TMEM177: variants seen among roughly 807,000 people sequenced by gnomAD.
TMEM177 encodes the protein transmembrane protein 177.
In TMEM177, 4 loss-of-function variants were observed where a neutral mutation model predicts 14.2. The ratio of observed to expected loss-of-function variants is 0.28; its 90% CI spans 0.14 to 0.64. The LOEUF is 0.64. TMEM177 is among the 30% of genes least tolerant of loss of function. The pLI, the probability that TMEM177 is intolerant of heterozygous loss-of-function variation, is 0.82. For missense variants in TMEM177, 344 were observed against 405.2 expected (o/e 0.85, Z 1.30); for synonymous variants, 179 against 174.5 (o/e 1.03, Z -0.20).
the TMEM177 span, among the ~76,000 whole-genome samples, chr2:119,696,433 C>G: frequency 6.6e-6 from 1 of 152,170 alleles, no homozygotes; most frequent in Non-Finnish European, 1.5e-5. Flanking sequence ...TACCACCAAC[C>G]CTTCATTTAT....
the TMEM177 span, among the ~76,000 whole-genome samples, chr2:119,721,937 C>A: frequency 6.6e-6 from 1 of 152,218 alleles, no homozygotes; most frequent in Admixed American, 6.5e-5. Flanking sequence ...AGCCCAGATT[C>A]TTAAACCAAG....
At chr2:119,715,845 A>G in the TMEM177 span, among the ~76,000 whole-genome samples, 1 of 152,198 alleles carries the variant, frequency 6.6e-6, no homozygotes, top group African/African-American at 2.4e-5. Context: ...TGTGTTGTTA[A>G]GTCGGATTCC....
downstream of TMEM177, chr2:119,685,691 G>A: frequency 1.4e-6 from 1 of 717,926 alleles, no homozygotes; most frequent in South Asian, 1.5e-5. Context: ...GAAGAAATTT[G>A]CCCTAAATCA....
downstream of TMEM177, chr2:119,686,445 T>A (rs1200153252): frequency 2.0e-5 from 3 of 152,194 alleles, no homozygotes; most frequent in African/African-American, 7.2e-5. Context: ...CCAGTGGCTA[T>A]CAGTTGGCAT....
the TMEM177 span, among the ~76,000 whole-genome samples, chr2:119,719,815 A>G: frequency 6.6e-6 from 1 of 152,148 alleles, no homozygotes; most frequent in African/African-American, 2.4e-5. Flanking sequence ...TATATTAGAG[A>G]CAGTATCTCA....
chr2:119,722,730 A>C, the TMEM177 span, among the ~76,000 whole-genome samples: 1 of 152,200 alleles, frequency 6.6e-6, no homozygotes, highest in Non-Finnish European at 1.5e-5. Flanking sequence ...TAGTTCTTTC[A>C]CCCAGTCTCC....
chr2:119,717,606 T>A, the TMEM177 span, among the ~76,000 whole-genome samples: 1 of 2,890 alleles, frequency 3.5e-4, no homozygotes, highest in African/African-American at 4.7e-4. Context: ...GACTTGAGTC[T>A]TTTTTTTTTT....
At chr2:119,699,100 G>T in the TMEM177 span, 2 of 177,620 alleles carry the variant, frequency 1.1e-5, no homozygotes, top group Non-Finnish European at 2.4e-5. Context: ...CAGAGACAGT[G>T]TGTACCTGTA....
downstream of TMEM177, among the ~76,000 whole-genome samples, chr2:119,684,997 G>A (rs1574271157): frequency 6.6e-6 from 1 of 152,236 alleles, no homozygotes; most frequent in Admixed American, 6.5e-5. Flanking sequence ...CTTCTCCCAT[G>A]CCTGCTGTGT....
At chr2:119,690,806 C>T (rs914955888), downstream of TMEM177, among the ~76,000 whole-genome samples, 5 of 152,240 alleles carry the variant, frequency 3.3e-5, no homozygotes, top group Non-Finnish European at 7.3e-5. Context: ...TTTACCCATC[C>T]GCATCAGGTG....
chr2:119,705,785 G>A, the TMEM177 span, among the ~76,000 whole-genome samples: 1 of 151,806 alleles, frequency 6.6e-6, no homozygotes, highest in Non-Finnish European at 1.5e-5. Flanking sequence ...GACGGTGGGG[G>A]TTATACAGGG....
chr2:119,699,562 C>T, the TMEM177 span, among the ~76,000 whole-genome samples: 1 of 152,156 alleles, frequency 6.6e-6, no homozygotes. Flanking sequence ...TCCCAGGTTC[C>T]ACACAGGAAG....
chr2:119,705,619 C>CGTGT, the TMEM177 span, among the ~76,000 whole-genome samples: 7,547 of 139,162 alleles, frequency 0.054, 326 homozygotes, highest in African/African-American at 0.12. Flanking sequence ...CACTCAGATC[C>CGTGT]GTGTGTGTGT....
chr2:119,722,936 C>T, the TMEM177 span, among the ~76,000 whole-genome samples: 1 of 152,226 alleles, frequency 6.6e-6, no homozygotes, highest in Non-Finnish European at 1.5e-5. Context: ...ACACTAGGAA[C>T]ATTTTAGCTA....
At chr2:119,715,676 G>A in the TMEM177 span, among the ~76,000 whole-genome samples, 1 of 152,220 alleles carries the variant, frequency 6.6e-6, no homozygotes, top group African/African-American at 2.4e-5. Flanking sequence ...CCCACTGGAC[G>A]GTGCCCTGAG....
chr2:119,684,535 ATTTAT>A (rs1279916895), downstream of TMEM177, among the ~76,000 whole-genome samples: 2 of 151,738 alleles, frequency 1.3e-5, no homozygotes, highest in East Asian at 3.9e-4. Flanking sequence ...TCTCCATAAT[ATTTAT>A]TTTTTGCAGT....
the TMEM177 span, among the ~76,000 whole-genome samples, chr2:119,705,964 G>A: frequency 1.0e-5 from 1 of 96,912 alleles, no homozygotes; most frequent in Non-Finnish European, 2.2e-5. Flanking sequence ...GACAATGCCA[G>A]GAATTCTGGC....
At chr2:119,711,279 T>A in the TMEM177 span, among the ~76,000 whole-genome samples, 1 of 152,120 alleles carries the variant, frequency 6.6e-6, no homozygotes, top group Non-Finnish European at 1.5e-5. Flanking sequence ...TTGGTATAAA[T>A]CTCTAAAAAG....
At chr2:119,692,969 CAAAAAAAAAAAAAAA>C in the TMEM177 span, among the ~76,000 whole-genome samples, 87 of 52,218 alleles carry the variant, frequency 1.7e-3, 1 homozygote, top group Non-Finnish European at 2.2e-3. Flanking sequence ...GAGATTGTCT[CAAAAAAAAAAAAAAA>C]AAAAAAAAAA....
Sources: allele counts gnomAD v4.1 joint callset (sites outside exome capture counted in the v4.1 genomes callset), GRCh38; gene constraint gnomAD v4.1.1; transcripts MANE v1.5; gene names NCBI Gene and HGNC (gene_info 2026-07-23, HGNC 2026-07-21).